The following MYRF variants were observed in gnomAD, a reference collection of about 807,000 sequenced individuals.
MYRF encodes the protein myelin regulatory factor.
In MYRF, 16 loss-of-function variants were observed where a neutral mutation model predicts 126.3. The ratio of observed to expected loss-of-function variants is 0.13; its 90% CI spans 0.09 to 0.19. The LOEUF is 0.19. Ranked by LOEUF, MYRF falls within the 10% of genes least tolerant of loss-of-function variation. The pLI, the probability that MYRF is intolerant of heterozygous loss-of-function variation, is 1.00. For missense variants in MYRF, 1,104 were observed against 1,547.0 expected, an observed-to-expected ratio of 0.71 and a Z score of 4.80; for synonymous variants, 608 against 635.3, an observed-to-expected ratio of 0.96 and a Z score of 0.65.
intron 1 of MYRF, among the ~76,000 whole-genome samples, chr11:61,760,387 C>T (rs1227995371): frequency 1.3e-5 from 2 of 152,200 alleles, no homozygotes; most frequent in South Asian, 2.1e-4. Flanking sequence ...GTGACTGGGG[C>T]GATGGGGAGG....
intron 16 of MYRF, 76 bp from the exon 17 acceptor site, chr11:61,779,766 G>A: frequency 5.6e-6 from 8 of 1,433,634 alleles, no homozygotes; most frequent in Middle Eastern, 3.5e-4. Flanking sequence ...CCGCTCCTCC[G>A]ACCTCCAGCA....
rs1761320790 is a variant in MYRF, at chr11:61,781,155, A to G, written c.2590A>G (p.Ser864Gly). The G allele has an allele frequency of 3.7e-6, 6 of 1,613,606 alleles. No homozygotes were observed. The highest frequency in any genetic ancestry group is 4.2e-6 in the Non-Finnish European group (5 of 1,179,964). ...SLLLVTTSLT[S>G]SAPGSAVRTL... is the part of the protein sequence containing the mutation. ...CTCCTCAGTGACCACCAGCCTCACC[A>G]GCTCGGCCCCAGGTTCTGCTGTCCG... The change falls in exon 21 of 27, where the codon AGC becomes GGC. Residue 864 changes from serine to glycine, a missense_variant. By Grantham distance (56) the Ser-to-Gly change is moderately conservative (BLOSUM62 0). This residue lies in a region of MYRF where 323 missense variants were observed against 383.1 expected (regional missense o/e 0.84). Coordinates refer to ENST00000278836, the MANE Select transcript of MYRF (RefSeq NM_001127392.3).
Position 61,771,719 on chromosome 11 carries a change from G to T in MYRF, c.960G>T (p.Pro320=). The T allele has an allele frequency of 6.2e-7, 1 of 1,612,698 alleles. No individual in the cohort carries two copies. Among genetic ancestry groups the T allele is most frequent in the South Asian group, 1.1e-5 (1 of 91,050 alleles). ...TCAGCATTGCCCGTGTCCAGACACC[G>T]CCTTGGCACCCGCCAGGTGCCCCCT... The part of the protein sequence containing the change: ...LPLSIARVQT[P]PWHPPGAPSP... The change falls in exon 6 of 27, where the codon CCG becomes CCT. Residue 320 remains proline (P), a synonymous_variant. Transcript: ENST00000278836.
chr11:61,777,553 G>A lies in MYRF; in HGVS notation c.1791+89G>A. 2.7e-6 allele frequency: 4 copies of A among 1,469,660 alleles called. No individual in the cohort carries two copies. The highest frequency in any genetic ancestry group is 3.7e-6 in the Non-Finnish European group (4 of 1,085,418). The allele number at this position is 1,469,660 out of a possible 1,614,324, so 91.0% of individuals were successfully genotyped here. A position where few individuals can be genotyped will look rare whatever the true frequency, so the allele number is the denominator to read the frequency against. ...TCCTGGGGAGGGGGCGTGACTACGC[G>A]GAAAGGCGGAGCTGCGGGGGAAGGA... On this transcript the variant is annotated intron_variant, in intron 12 of 26. Transcript: ENST00000278836. The surrounding 1 kb of genome is among the most constrained non-coding windows in gnomAD (Gnocchi z 8.8).
rs1045199944 is a variant in MYRF at position 61,786,321 on chromosome 11, C to T, written c.*178C>T. The T allele has an allele frequency of 9.2e-6, 6 of 652,070 alleles. No individual in the cohort carries two copies. The African/African-American group carries it at 1.1e-4, about 12-fold the overall frequency. 40.4% of individuals were successfully genotyped at this position (652,070 alleles called of 1,614,324 possible). A position where few individuals can be genotyped will look rare whatever the true frequency, so the allele number is the denominator to read the frequency against. On this transcript the variant is annotated 3_prime_UTR_variant, in exon 27 of 27. Coordinates refer to ENST00000278836, the MANE Select transcript of MYRF (RefSeq NM_001127392.3). This position sits in a 1 kb window ranked among gnomAD's most constrained non-coding sequence, Gnocchi z 4.5. ...CTGGAGTTGCTGTTCCAGCTGGTCGCCCCTCACGGCACAGAGGGAACCTGA... is the reference window on the plus strand; with the variant it reads ...CTGGAGTTGCTGTTCCAGCTGGTCGTCCCTCACGGCACAGAGGGAACCTGA...
intron 8 of MYRF, among the ~76,000 whole-genome samples, chr11:61,774,610 C>T (rs1218467899): frequency 6.6e-6 from 1 of 151,904 alleles, no homozygotes; most frequent in Non-Finnish European, 1.5e-5. Context: ...TACTGCCACC[C>T]CGCCCTCCCG....
intron 1 of MYRF, among the ~76,000 whole-genome samples, chr11:61,762,899 G>A (rs1023419291): frequency 5.9e-5 from 9 of 152,230 alleles, no homozygotes; most frequent in East Asian, 1.9e-4. Context: ...ACCCTGGCAC[G>A]GGAGGGTCCC....
intron 1 of MYRF, among the ~76,000 whole-genome samples, chr11:61,759,343 C>T (rs2065843933): frequency 6.6e-6 from 1 of 152,170 alleles, no homozygotes; most frequent in African/African-American, 2.4e-5. Flanking sequence ...AGCCATAGCC[C>T]AAGGGTGGCT....
chr11:61,777,403 T>C lies in MYRF; in HGVS notation c.1730T>C (p.Val577Ala). Residue 577 changes from valine to alanine, a missense_variant, in exon 12 of 27, where the codon GTC becomes GCC. By Grantham distance (64) the Val-to-Ala change is moderately conservative. Coordinates refer to ENST00000278836, the MANE Select transcript of MYRF (RefSeq NM_001127392.3). This position sits in a 1 kb window ranked among gnomAD's most constrained non-coding sequence, Gnocchi z 8.8. Reference protein sequence around the residue: ...PDEALVVHGNVKVMGSLMHPS... With the variant: ...PDEALVVHGNAKVMGSLMHPS... ...GAGGCGCTGGTTGTGCACGGGAATGTCAAGGTCATGGGCTCGCTTATGCAC... is the reference window on the plus strand; with the variant it reads ...GAGGCGCTGGTTGTGCACGGGAATGCCAAGGTCATGGGCTCGCTTATGCAC... 6.2e-7 allele frequency: 1 copy of C among 1,613,842 alleles called. No individual in the cohort carries two copies. Among genetic ancestry groups the C allele is most frequent in the Non-Finnish European group, 8.5e-7 (1 of 1,179,990 alleles).
chr11:61,766,250 C>T, intron 3 of MYRF, 29 bp downstream of exon 3: 1 of 1,575,070 alleles, frequency 6.3e-7, no homozygotes. Context: ...TAGGGGGATA[C>T]AGCGGCATAG....
Position 61,766,563 on chromosome 11 carries a change from T to G in MYRF, c.398+342T>G, listed in dbSNP as rs2066068238. On this transcript the variant is annotated intron_variant, in intron 3 of 26. Transcript: ENST00000278836. ...CTTCATGGGAACACCTGCATACCCGTGCACGCGCGCCAAGCCCACCCACTT... is the reference window on the plus strand; with the variant it reads ...CTTCATGGGAACACCTGCATACCCGGGCACGCGCGCCAAGCCCACCCACTT... 5 of 302,106 alleles carry G rather than the reference T, an allele frequency of 1.7e-5. No homozygotes were observed. In the South Asian group the frequency reaches 3.3e-4, roughly 20 times the overall value. The allele number at this position is 302,106 out of a possible 1,614,324, so 18.7% of individuals were successfully genotyped here. A position where few individuals can be genotyped will look rare whatever the true frequency, so the allele number is the denominator to read the frequency against.
chr11:61,760,832 A>C (rs992394299), intron 1 of MYRF, among the ~76,000 whole-genome samples: 8 of 152,112 alleles, frequency 5.3e-5, no homozygotes, highest in African/African-American at 1.7e-4. Context: ...CCACATTAGA[A>C]ACCAGGCCTC....
rs1434396035 is a variant in MYRF, at chr11:61,781,555, G to C, written c.2765-18G>C. 1.2e-6 allele frequency: 2 copies of C among 1,610,236 alleles called. No individual in the cohort carries two copies. The highest frequency in any genetic ancestry group is 1.7e-6 in the Non-Finnish European group (2 of 1,178,352). On this transcript the variant is annotated intron_variant, in intron 21 of 26. Coordinates refer to ENST00000278836, the MANE Select transcript of MYRF (RefSeq NM_001127392.3). Reference sequence around the variant, plus strand: ...GCCAGCTTCCAGCTTCTTAGCCTGTGCCTGGTTCTATCCACAGGCCCCAGC... The same window carrying C: ...GCCAGCTTCCAGCTTCTTAGCCTGTCCCTGGTTCTATCCACAGGCCCCAGC...
Position 61,781,490 on chromosome 11 carries a change from T to C in MYRF, c.2765-83T>C. ...GGACCAAGAGACACATGGGGTTCAC[T>C]CAGTCTTGTGGGGCCCTAGAGACAG... On this transcript the variant is annotated intron_variant, in intron 21 of 26. Transcript: ENST00000278836. 5.1e-6 allele frequency: 8 copies of C among 1,555,484 alleles called. No homozygotes were observed. The South Asian group carries it at 8.6e-5, about 17-fold the overall frequency.
chr11:61,785,455 G>A (rs1175384244), intron 25 of MYRF: 1 of 250,060 alleles, frequency 4.0e-6, no homozygotes, highest in Non-Finnish European at 7.7e-6. Context: ...GGGGCTAGTA[G>A]CAGCACTGTG....
chr11:61,775,246 C>T (rs1042070027), intron 8 of MYRF, among the ~76,000 whole-genome samples: 1 of 152,198 alleles, frequency 6.6e-6, no homozygotes, highest in East Asian at 1.9e-4. Context: ...CCCAGCAAAG[C>T]CCCGGCTTCC....
chr11:61,763,524 A>T (rs2065959843), intron 1 of MYRF, among the ~76,000 whole-genome samples: 1 of 152,230 alleles, frequency 6.6e-6, no homozygotes, highest in Non-Finnish European at 1.5e-5. Context: ...GGATTGAGTA[A>T]CACACCGCAG....
chr11:61,755,312 C>A, intron 1 of MYRF: 1 of 1,509,814 alleles, frequency 6.6e-7, no homozygotes, highest in Non-Finnish European at 8.9e-7. Flanking sequence ...GCGGCCCCCT[C>A]GAGGCTGGTA....
chr11:61,781,747 T>C lies in MYRF; in HGVS notation c.2939T>C (p.Phe980Ser). The change falls in exon 22 of 27, where the codon TTC becomes TCC. Residue 980 changes from phenylalanine to serine, a missense_variant. Physicochemically the swap from Phe to Ser is radical, Grantham distance 155 (BLOSUM62 -2). Coordinates refer to ENST00000278836, the MANE Select transcript of MYRF (RefSeq NM_001127392.3). Reference protein sequence around the residue: ...GKAKNSPSLGFHGRARRGALQ... With the variant: ...GKAKNSPSLGSHGRARRGALQ... ...GCCAAGAACAGTCCCAGCCTTGGTTTCCATGGCCGGGCCCGCCGAGGGGCC... is the reference window on the plus strand; with the variant it reads ...GCCAAGAACAGTCCCAGCCTTGGTTCCCATGGCCGGGCCCGCCGAGGGGCC... 6.2e-7 allele frequency: 1 copy of C among 1,612,140 alleles called. No individual in the cohort carries two copies. Among genetic ancestry groups the C allele is most frequent in the Non-Finnish European group, 8.5e-7 (1 of 1,179,524 alleles).
Sources: allele counts gnomAD v4.1 joint callset (sites outside exome capture counted in the v4.1 genomes callset), GRCh38; gene constraint gnomAD v4.1.1; regional missense constraint gnomAD v4.1.1; non-coding constraint Gnocchi (gnomAD v3.1); transcripts MANE v1.5; gene names NCBI Gene and HGNC (gene_info 2026-07-23, HGNC 2026-07-21).